Variants in ANO2 observed in about 807,000 individuals in gnomAD.
ANO2 encodes anoctamin-2.
Under a neutral mutation model 124.2 loss-of-function variants are expected in ANO2, and 101 were observed. The observed-to-expected ratio is 0.81, with a 90% confidence interval of 0.69 to 0.96. The LOEUF is 0.96. ANO2 is among the 40% of genes least tolerant of loss of function. The probability of loss-of-function intolerance (pLI) is 0.00; values close to 1 mark genes in which losing one functional copy is unlikely to be tolerated. For missense variants in ANO2, 1,293 were observed against 1,274.5 expected (o/e 1.01, Z -0.22); for synonymous variants, 486 against 482.5 (o/e 1.01, Z -0.09).
chr12:5,907,636 G>GAAAAA (rs549099501), intron 3 of ANO2, among the ~76,000 whole-genome samples: 18 of 150,966 alleles, frequency 1.2e-4, no homozygotes, highest in African/African-American at 4.4e-4. Context: ...TAAAGAGGGG[G>GAAAAA]AAAAAAAAAG....
intron 17 of ANO2, 86 bp from the exon 18 acceptor site, chr12:5,613,044 C>T (rs1944624546): frequency 7.6e-7 from 1 of 1,312,146 alleles, no homozygotes; most frequent in Non-Finnish European, 1.1e-6. Context: ...GGAATACCAC[C>T]ACCACTGTCC....
At chr12:5,721,597 C>T (rs1039794137) in intron 14 of ANO2, among the ~76,000 whole-genome samples, 4 of 152,058 alleles carry the variant, frequency 2.6e-5, no homozygotes, top group Non-Finnish European at 4.4e-5. Flanking sequence ...CCTCTAACTC[C>T]TGGGCTCAAG....
intron 3 of ANO2, among the ~76,000 whole-genome samples, chr12:5,914,909 T>C (rs572650780): frequency 1.3e-5 from 2 of 152,296 alleles, no homozygotes; most frequent in South Asian, 4.1e-4. Flanking sequence ...GCCTCTGCCC[T>C]GCTCGCTCTC....
At chr12:5,934,902 A>T (rs1476221197) in intron 1 of ANO2, among the ~76,000 whole-genome samples, 1 of 152,080 alleles carries the variant, frequency 6.6e-6, no homozygotes, top group Non-Finnish European at 1.5e-5. Context: ...GGTTTCTCCT[A>T]CCCAAAATGG....
intron 15 of ANO2, among the ~76,000 whole-genome samples, chr12:5,645,445 G>GTA (rs1351218121): frequency 6.6e-6 from 1 of 151,600 alleles, no homozygotes; most frequent in East Asian, 1.9e-4. Context: ...GTGTGTGTGT[G>GTA]TACACATATA....
intron 14 of ANO2, among the ~76,000 whole-genome samples, chr12:5,707,628 C>T (rs913883203): frequency 1.3e-5 from 2 of 152,162 alleles, no homozygotes; most frequent in African/African-American, 4.8e-5. Flanking sequence ...CAGCTTTCCC[C>T]ACCCCCAGAG....
chr12:5,928,536 T>C (rs925563729), intron 1 of ANO2, among the ~76,000 whole-genome samples: 29 of 150,674 alleles, frequency 1.9e-4, no homozygotes, highest in African/African-American at 6.9e-4. Context: ...CCTTCCTTAC[T>C]CGTCTACCTT....
At chr12:5,719,485 C>T (rs1485592644) in intron 14 of ANO2, among the ~76,000 whole-genome samples, 1 of 152,130 alleles carries the variant, frequency 6.6e-6, no homozygotes, top group Admixed American at 6.5e-5. Context: ...GTGCTTAAGT[C>T]CTGAGGAGCT....
chr12:5,839,024 C>G (rs1565712154), intron 4 of ANO2, among the ~76,000 whole-genome samples: 1 of 152,278 alleles, frequency 6.6e-6, no homozygotes, highest in African/African-American at 2.4e-5. Flanking sequence ...CTAAAACAAC[C>G]AAAACACCCA....
intron 10 of ANO2, among the ~76,000 whole-genome samples, chr12:5,753,476 C>G (rs1409532974): frequency 6.6e-6 from 1 of 152,174 alleles, no homozygotes; most frequent in Non-Finnish European, 1.5e-5. Flanking sequence ...CAGCTTTCAG[C>G]TTAATTTTTT....
intron 10 of ANO2, among the ~76,000 whole-genome samples, chr12:5,792,248 G>T (rs906472172): frequency 6.6e-6 from 1 of 152,130 alleles, no homozygotes; most frequent in Non-Finnish European, 1.5e-5. Flanking sequence ...ATGTCCCCGG[G>T]CAGGTGCGTC....
At chr12:5,699,233 C>T (rs7297517) in intron 14 of ANO2, among the ~76,000 whole-genome samples, 4 of 152,228 alleles carry the variant, frequency 2.6e-5, no homozygotes, top group African/African-American at 9.6e-5. Context: ...ATCAGACTAA[C>T]AGCAGATCTC....
At chr12:5,834,668 T>A (rs1954263023) in intron 4 of ANO2, among the ~76,000 whole-genome samples, 1 of 152,234 alleles carries the variant, frequency 6.6e-6, no homozygotes, top group Non-Finnish European at 1.5e-5. Context: ...CCTTTTTCTA[T>A]GCATTTTGAT....
At chr12:5,639,237 T>C (rs1274473493) in intron 15 of ANO2, among the ~76,000 whole-genome samples, 1 of 152,174 alleles carries the variant, frequency 6.6e-6, no homozygotes, top group African/African-American at 2.4e-5. Flanking sequence ...CGATAGTAGC[T>C]CAAGTATAAA....
At chr12:5,737,418 C>T (rs6489656) in intron 13 of ANO2, among the ~76,000 whole-genome samples, 147,982 of 152,312 alleles carry the variant, frequency 0.97, 72,027 homozygotes, top group Middle Eastern at 1. Flanking sequence ...ATAATCTCAC[C>T]CCTGCCAGGG....
chr12:5,827,736 G>C (rs767862626), intron 7 of ANO2, 33 bp downstream of exon 7: 2 of 1,599,402 alleles, frequency 1.3e-6, no homozygotes, highest in East Asian at 2.3e-5. Flanking sequence ...CTCAGCGCCC[G>C]TCAGCACCCT....
At chr12:5,592,297 A>AG (rs1420444763) in intron 20 of ANO2, among the ~76,000 whole-genome samples, 2 of 152,144 alleles carry the variant, frequency 1.3e-5, no homozygotes, top group Admixed American at 6.5e-5. Context: ...CTGTCCCCAA[A>AG]GCACTCACAT....
At position 5,635,269 on chromosome 12, in the gene ANO2, C is replaced by A; in HGVS notation, c.1699G>T (p.Ala567Ser). The change falls in exon 16 of 25, where the codon GCT (alanine) becomes TCT (serine). Residue 567 changes from alanine to serine, a missense_variant. Ala to Ser is a moderately conservative substitution (Grantham distance 99). Transcript: ENST00000682330. This position sits in a 1 kb window ranked among gnomAD's most constrained non-coding sequence, Gnocchi z 5.2. ...GTCACCCGGACATTGGAGCGTGTAG[C>A]CTTATTGAGAGACAGAGCGGCTGCA... ...TTAAALSLNK[A>S]TRSNVRVTVT... The A allele has an allele frequency of 6.2e-7, 1 of 1,611,892 alleles. No individual in the cohort carries two copies. Among genetic ancestry groups the A allele is most frequent in the Non-Finnish European group, 8.5e-7 (1 of 1,179,400 alleles).
intron 3 of ANO2, among the ~76,000 whole-genome samples, chr12:5,861,659 T>G (rs1019081060): frequency 6.6e-6 from 1 of 152,126 alleles, no homozygotes; most frequent in South Asian, 2.1e-4. Context: ...GAACGTCAGC[T>G]GCAGCACATC....
Sources: gnomAD v4.1 joint callset for allele counts (sites outside exome capture counted in the v4.1 genomes callset) on GRCh38, gnomAD v4.1.1 for gene constraint, Gnocchi (gnomAD v3.1) non-coding constraint, MANE v1.5 for transcripts, NCBI Gene and HGNC (gene_info 2026-07-23, HGNC 2026-07-21) for gene names.